LRMDA: variants seen among roughly 807,000 people sequenced by gnomAD.
LRMDA encodes leucine rich melanocyte differentiation associated.
A neutral mutation model predicts 29.8 loss-of-function variants in LRMDA; 18 were observed. That is an observed-to-expected ratio of 0.60 (90% CI 0.42 to 0.90). LRMDA has a LOEUF of 0.90. LRMDA is among the 40% of genes least tolerant of loss of function. The probability of loss-of-function intolerance (pLI) is 0.00; values close to 1 mark genes in which losing one functional copy is unlikely to be tolerated. For synonymous variants in LRMDA, 125 were observed against 109.4 expected, an observed-to-expected ratio of 1.14 and a Z score of -0.89; for missense variants, 273 against 273.9, an observed-to-expected ratio of 1.00 and a Z score of 0.02.
At chr10:76,040,785 G>A (rs983075082) in intron 3 of LRMDA, among the ~76,000 whole-genome samples, 7 of 152,208 alleles carry the variant, frequency 4.6e-5, no homozygotes, top group Non-Finnish European at 8.8e-5. Context: ...GGGTGTGTGG[G>A]GGGCACATAA....
intron 2 of LRMDA, among the ~76,000 whole-genome samples, chr10:75,653,641 C>T (rs4424617): frequency 0.099 from 15,102 of 152,194 alleles, 1,704 homozygotes; most frequent in East Asian, 0.33. Flanking sequence ...GTGTAACATA[C>T]ACATGTACGT....
At chr10:76,093,951 C>G (rs1027183074) in intron 5 of LRMDA, among the ~76,000 whole-genome samples, 5 of 152,162 alleles carry the variant, frequency 3.3e-5, no homozygotes, top group Non-Finnish European at 7.4e-5. Flanking sequence ...CTCAATACCC[C>G]CTTACCACGC....
intron 2 of LRMDA, among the ~76,000 whole-genome samples, chr10:75,630,171 C>T (rs1255193626): frequency 6.6e-6 from 1 of 152,186 alleles, no homozygotes; most frequent in East Asian, 1.9e-4. Flanking sequence ...CCACGGCCCT[C>T]CTGCTGCATT....
intron 5 of LRMDA, among the ~76,000 whole-genome samples, chr10:76,226,162 G>A (rs1851953538): frequency 6.6e-6 from 1 of 152,096 alleles, no homozygotes; most frequent in Non-Finnish European, 1.5e-5. Flanking sequence ...TTGACTCACA[G>A]TTCCAGAAGG....
At position 75,536,869 on chromosome 10, in the gene LRMDA, A is replaced by AT. The variant is rs1839956534; in HGVS notation, c.131+98380dup. On this transcript the variant is annotated intron_variant, in intron 2 of 6. Transcript: ENST00000611255. ...GCCACTGTGCCTGGCCTACTGAAGC[A>AT]TTTTTGATCTAGGATCAGGCTTGCT... 3.3e-5 allele frequency among the ~76,000 whole-genome samples: 5 copies of AT among 151,944 alleles called. No individual in the cohort carries two copies. The South Asian group carries it at 1.0e-3, about 31-fold the overall frequency.
intron 5 of LRMDA, among the ~76,000 whole-genome samples, chr10:76,095,540 A>G (rs562506006): frequency 1.1e-4 from 17 of 152,354 alleles, no homozygotes; most frequent in African/African-American, 2.9e-4. Context: ...TGATACATGT[A>G]TGTTTAACTG....
intron 5 of LRMDA, among the ~76,000 whole-genome samples, chr10:76,114,757 G>A (rs1849639738): frequency 6.6e-6 from 1 of 152,176 alleles, no homozygotes; most frequent in Admixed American, 6.5e-5. Context: ...GGCTCTGAGG[G>A]CAAATATTAT....
chr10:76,329,019 A>C (rs1230070341), intron 6 of LRMDA, among the ~76,000 whole-genome samples: 1 of 152,138 alleles, frequency 6.6e-6, no homozygotes, highest in Non-Finnish European at 1.5e-5. Flanking sequence ...GGTGTCTCCC[A>C]CTGACTTTCT....
chr10:76,375,742 G>T (rs1341568661), intron 6 of LRMDA, among the ~76,000 whole-genome samples: 2 of 148,312 alleles, frequency 1.3e-5, no homozygotes, highest in African/African-American at 5.0e-5. Flanking sequence ...TTTTTTTTCG[G>T]GGGGAGAGGA....
chr10:75,593,800 C>T (rs1433737453), intron 2 of LRMDA, among the ~76,000 whole-genome samples: 5 of 151,926 alleles, frequency 3.3e-5, no homozygotes, highest in Non-Finnish European at 7.4e-5. Context: ...TCCCGCCTTG[C>T]CCCTTGGGGG....
intron 2 of LRMDA, among the ~76,000 whole-genome samples, chr10:75,587,756 A>G (rs1840674380): frequency 1.3e-5 from 2 of 152,350 alleles, no homozygotes; most frequent in South Asian, 2.1e-4. Flanking sequence ...GGTGGCCCCA[A>G]TCTAACGTGA....
chr10:76,309,954 G>A (rs779495682), intron 5 of LRMDA, among the ~76,000 whole-genome samples: 8 of 152,122 alleles, frequency 5.3e-5, no homozygotes, highest in Non-Finnish European at 8.8e-5. Context: ...TTCCTAATGC[G>A]ATTAATCAAG....
chr10:76,472,560 A>G (rs1490238508), intron 6 of LRMDA, among the ~76,000 whole-genome samples: 1 of 151,668 alleles, frequency 6.6e-6, no homozygotes, highest in Non-Finnish European at 1.5e-5. Flanking sequence ...AGCAGAAGTT[A>G]ATGAAATAAA....
chr10:75,662,988 G>C (rs939971094), intron 2 of LRMDA, among the ~76,000 whole-genome samples: 11 of 152,310 alleles, frequency 7.2e-5, no homozygotes, highest in African/African-American at 2.6e-4. Context: ...TCTTGTTCTT[G>C]GAACTTTGTC....
intron 2 of LRMDA, among the ~76,000 whole-genome samples, chr10:75,530,347 T>A (rs1845462516): frequency 6.6e-6 from 1 of 152,118 alleles, no homozygotes; most frequent in African/African-American, 2.4e-5. Flanking sequence ...ATGCTCACAG[T>A]GACTCTCCCA....
intron 5 of LRMDA, among the ~76,000 whole-genome samples, chr10:76,161,610 A>G (rs1850648829): frequency 6.6e-6 from 1 of 152,234 alleles, no homozygotes; most frequent in Non-Finnish European, 1.5e-5. Context: ...TCTGTATTAG[A>G]AAGACACAGC....
intron 6 of LRMDA, among the ~76,000 whole-genome samples, chr10:76,325,597 A>T (rs1174285959): frequency 6.6e-6 from 1 of 152,164 alleles, no homozygotes; most frequent in Non-Finnish European, 1.5e-5. Context: ...ATAACACCAC[A>T]TCTAGATGGA....
At chr10:76,482,099 A>G (rs1842738320) in intron 6 of LRMDA, among the ~76,000 whole-genome samples, 1 of 151,902 alleles carries the variant, frequency 6.6e-6, no homozygotes, top group Admixed American at 6.6e-5. Context: ...TTGGTTCATA[A>G]CATGATAATC....
chr10:76,107,776 CTT>C (rs1849511150), intron 5 of LRMDA, among the ~76,000 whole-genome samples: 1 of 152,088 alleles, frequency 6.6e-6, no homozygotes, highest in African/African-American at 2.4e-5. Flanking sequence ...TTTTGTGAAA[CTT>C]TAAGTTCTGG....
Sources: allele counts gnomAD v4.1 joint callset (sites outside exome capture counted in the v4.1 genomes callset), GRCh38; gene constraint gnomAD v4.1.1; transcripts MANE v1.5; gene names NCBI Gene and HGNC (gene_info 2026-07-23, HGNC 2026-07-21).